Variants in TSGA13 observed in about 807,000 individuals in gnomAD.
The protein encoded by TSGA13 is testis-specific gene 13 protein.
Under a neutral mutation model 35.1 loss-of-function variants are expected in TSGA13, and 37 were observed. That is an observed-to-expected ratio of 1.05 (90% CI 0.81 to 1.39). TSGA13 has a LOEUF of 1.39. Ranked by LOEUF, TSGA13 falls within the 40% of genes most tolerant of loss-of-function variation. TSGA13 has a pLI of 0.00. For synonymous variants in TSGA13, 124 were observed against 121.2 expected (o/e 1.02, Z -0.15); for missense variants, 338 against 328.5 (o/e 1.03, Z -0.22).
rs1462762722 is a variant in TSGA13, at chr7:130,672,871, A to T, written c.393T>A (p.Ser131Arg). The stretch of plus-strand genomic sequence containing the variant: ...TCTCAGTGGGTTTGTGCTGATGATG[A>T]CTTTCCTGTAGGGAAACGAGGGAAG... ...SKELLLKVME[S>R]HHQHKPTENL... The change falls in exon 6 of 8, where the codon AGT (serine) becomes AGA (arginine). Residue 131 changes from serine to arginine, a missense_variant. Coordinates refer to ENST00000356588, the MANE Select transcript of TSGA13 (RefSeq NM_052933.4). 1.4e-5 allele frequency: 23 copies of T among 1,613,332 alleles called. No homozygotes were observed. The highest frequency in any genetic ancestry group is 1.9e-5 in the Non-Finnish European group (22 of 1,179,668).
rs1276737583 is a variant in TSGA13, at chr7:130,669,177, T to C, written c.665A>G (p.Lys222Arg). 3.1e-6 allele frequency: 5 copies of C among 1,614,180 alleles called. No individual in the cohort carries two copies. Among genetic ancestry groups the C allele is most frequent in the Non-Finnish European group, 4.2e-6 (5 of 1,180,028 alleles). Reference protein sequence around the residue: ...HERDMRKDASKKSASERPISK... With the variant: ...HERDMRKDASRKSASERPISK... ...AATTGGCCTTTCACTCGCTGACTTC[T>C]TGGAAGCTACGACAAAGCACAGGCA... is the stretch of plus-strand genomic sequence containing the variant. The change falls in exon 8 of 8, where the codon AAG (lysine) becomes AGG (arginine). Residue 222 changes from lysine (K) to arginine (R), a missense_variant. Lys to Arg is a conservative substitution (Grantham distance 26). Coordinates refer to ENST00000356588, the MANE Select transcript of TSGA13 (RefSeq NM_052933.4).
In TSGA13 at chr7:130,669,158, C is replaced by G; in HGVS notation, c.684G>C (p.Arg228Ser). ...GTTCCCGAATCACTTTGGAAATTGG[C>G]CTTTCACTCGCTGACTTCTTGGAAG... The part of the protein sequence containing the change: ...KDASKKSASE[R>S]PISKVIREPL... The change falls in exon 8 of 8, where the codon AGG becomes AGC. Residue 228 changes from arginine (R) to serine (S), a missense_variant. Physicochemically the swap from Arg to Ser is moderately radical, Grantham distance 110 (BLOSUM62 -1). Transcript: ENST00000356588. 1 of 1,614,190 alleles carries G rather than the reference C, an allele frequency of 6.2e-7. No individual in the cohort carries two copies. The highest frequency in any genetic ancestry group is 8.5e-7 in the Non-Finnish European group (1 of 1,180,036).
At chr7:130,685,058 A>T in intron 2 of TSGA13, 130 bp downstream of exon 2, 1 of 986,318 alleles carries the variant, frequency 1.0e-6, no homozygotes, top group South Asian at 1.6e-5. Flanking sequence ...ATCCAGGGAC[A>T]ATCAGTCAAT....
Position 130,672,844 on chromosome 7 carries a change from G to A in TSGA13, c.420C>T (p.Asn140=). Residue 140 remains asparagine (N), a synonymous_variant, in exon 6 of 8, where the codon AAC becomes AAT. Transcript: ENST00000356588. ...TCTGAGGCATGCGGGGCAGCCAGAG[G>A]TTCTCAGTGGGTTTGTGCTGATGAT... ...ESHHQHKPTE[N]LWLPRMPQKK... The A allele has an allele frequency of 6.2e-7, 1 of 1,614,158 alleles. No homozygotes were observed. The highest frequency in any genetic ancestry group is 2.2e-5 in the East Asian group (1 of 44,872).
At chr7:130,685,986 G>T (rs138013340) in intron 1 of TSGA13, among the ~76,000 whole-genome samples, 1 of 152,128 alleles carries the variant, frequency 6.6e-6, no homozygotes, top group African/African-American at 2.4e-5. Flanking sequence ...ATTATTTGTC[G>T]TTGTTAAGTA....
chr7:130,668,796 G>T lies in TSGA13; in HGVS notation c.*218C>A. The T allele has an allele frequency of 7.7e-7, 1 of 1,301,358 alleles. No homozygotes were observed. Among genetic ancestry groups the T allele is most frequent in the East Asian group, 3.0e-5 (1 of 33,628 alleles). 80.6% of individuals were successfully genotyped at this position (1,301,358 alleles called of 1,614,324 possible). A position where few individuals can be genotyped will look rare whatever the true frequency, so the allele number is the denominator to read the frequency against. ...GGTTGGGCCGCCGCGCCTTCACTCGGGGCCAAGGCCCGCCCTCCCCGGCCG... is the reference window on the plus strand; with the variant it reads ...GGTTGGGCCGCCGCGCCTTCACTCGTGGCCAAGGCCCGCCCTCCCCGGCCG... On this transcript the variant is annotated 3_prime_UTR_variant, in exon 8 of 8. Transcript: ENST00000356588.
chr7:130,671,506 C>G (rs1210029925), intron 7 of TSGA13, among the ~76,000 whole-genome samples, 155 bp downstream of exon 7: 1 of 152,090 alleles, frequency 6.6e-6, no homozygotes, highest in Non-Finnish European at 1.5e-5. Context: ...ACCTTTTGAG[C>G]CTCTATTTGT....
chr7:130,687,188 T>TTC (rs1796676518), upstream of TSGA13: 1 of 152,294 alleles, frequency 6.6e-6, no homozygotes, highest in Non-Finnish European at 1.5e-5. Context: ...TGAATCTTCT[T>TTC]TCTTTATGTT....
At chr7:130,684,087 G>T (rs1373261964) in intron 2 of TSGA13, among the ~76,000 whole-genome samples, 1 of 152,182 alleles carries the variant, frequency 6.6e-6, no homozygotes, top group African/African-American at 2.4e-5. Flanking sequence ...AAATTGCCCT[G>T]TTTTTGCCAG....
rs1171688296 is a variant in TSGA13 at position 130,669,146 on chromosome 7, T to G, written c.696A>C (p.Lys232Asn). The G allele has an allele frequency of 1.9e-6, 3 of 1,614,046 alleles. No individual in the cohort carries two copies. In the African/African-American group the frequency reaches 4.0e-5, roughly 22 times the overall value. The change falls in exon 8 of 8, where the codon AAA becomes AAC. Residue 232 changes from lysine (K) to asparagine (N), a missense_variant. Transcript: ENST00000356588. ...KKSASERPIS[K>N]VIREPLTLAS... is the part of the protein sequence containing the mutation. ...CGAGTGTCAGTGGTTCCCGAATCAC[T>G]TTGGAAATTGGCCTTTCACTCGCTG...
chr7:130,680,270 G>T (rs185512075), intron 4 of TSGA13, among the ~76,000 whole-genome samples: 3,091 of 152,276 alleles, frequency 0.02, 85 homozygotes, highest in African/African-American at 0.062. Context: ...ACTTTGGGAG[G>T]CCAAGGCAGG....
intron 2 of TSGA13, 124 bp from the exon 3 acceptor site, chr7:130,683,796 C>T (rs973887392): frequency 8.1e-6 from 6 of 743,766 alleles, no homozygotes; most frequent in Non-Finnish European, 1.3e-5. Context: ...TAGGTGATCA[C>T]ATCAGTAATT....
chr7:130,678,475 C>T (rs1796463908), intron 5 of TSGA13, among the ~76,000 whole-genome samples: 1 of 152,122 alleles, frequency 6.6e-6, no homozygotes, highest in African/African-American at 2.4e-5. Flanking sequence ...TACTCCTTTC[C>T]CATTTAGATA....
At chr7:130,678,897 C>T (rs1277083960) in intron 5 of TSGA13, among the ~76,000 whole-genome samples, 1 of 152,136 alleles carries the variant, frequency 6.6e-6, no homozygotes, top group Non-Finnish European at 1.5e-5. Flanking sequence ...CATGGTGATG[C>T]ACACCTGTAG....
intron 7 of TSGA13, among the ~76,000 whole-genome samples, chr7:130,669,734 T>C (rs1796210367): frequency 6.6e-6 from 1 of 152,244 alleles, no homozygotes; most frequent in African/African-American, 2.4e-5. Context: ...ACTGTTGATA[T>C]CCTACATATG....
chr7:130,678,182 T>C (rs1331816344), intron 5 of TSGA13, among the ~76,000 whole-genome samples: 1 of 152,064 alleles, frequency 6.6e-6, no homozygotes, highest in East Asian at 1.9e-4. Context: ...ATCGAGACCA[T>C]CCTGGCTAAC....
chr7:130,673,824 G>A lies in TSGA13; in HGVS notation c.388-948C>T, dbSNP rs187097834. On this transcript the variant is annotated intron_variant, in intron 5 of 7. Coordinates refer to ENST00000356588, the MANE Select transcript of TSGA13 (RefSeq NM_052933.4). ...GTCTATTCAAAAGTCAACCAGGCAC[G>A]GTGGCTCATGCCTGTAATCCCAGCA... Among the ~76,000 whole-genome samples the A allele has an allele frequency of 3.4e-3, 513 of 152,274 alleles. 1 individual carries two copies. Among genetic ancestry groups the A allele is most frequent in the Non-Finnish European group, 5.5e-3 (377 of 68,032 alleles).
At chr7:130,683,816 G>T in intron 2 of TSGA13, 144 bp from the exon 3 acceptor site, 1 of 635,268 alleles carries the variant, frequency 1.6e-6, no homozygotes, top group Non-Finnish European at 2.7e-6. Context: ...TGACTAAGTA[G>T]CAAAAAAATC....
chr7:130,668,864 C>A lies in TSGA13; in HGVS notation c.*150G>T. 2 of 1,361,526 alleles carry A rather than the reference C, an allele frequency of 1.5e-6. No homozygotes were observed. The highest frequency in any genetic ancestry group is 2.0e-6 in the Non-Finnish European group (2 of 1,008,418). 84.3% of individuals were successfully genotyped at this position (1,361,526 alleles called of 1,614,324 possible). ...GCAGCCACGCCCCCTTCTCCTCTTG[C>A]GGCCCGCCGGAGACTTCGGCTCGAC... On this transcript the variant is annotated 3_prime_UTR_variant, in exon 8 of 8. Coordinates refer to ENST00000356588, the MANE Select transcript of TSGA13 (RefSeq NM_052933.4).
Sources: gnomAD v4.1 joint callset for allele counts (sites outside exome capture counted in the v4.1 genomes callset) on GRCh38, gnomAD v4.1.1 for gene constraint, MANE v1.5 for transcripts, NCBI Gene and HGNC (gene_info 2026-07-23, HGNC 2026-07-21) for gene names.